The following DYSF variants were observed in gnomAD, a reference collection of about 807,000 sequenced individuals.
The protein encoded by DYSF is dysferlin.
In DYSF, 212 loss-of-function variants were observed where a neutral mutation model predicts 274.9. That is an observed-to-expected ratio of 0.77 (90% CI 0.69 to 0.86). The LOEUF (loss-of-function observed/expected upper bound fraction) is 0.86, where lower values mean the gene tolerates loss of function less well. Ranked by LOEUF, DYSF falls within the 40% of genes least tolerant of loss-of-function variation. The pLI, the probability that DYSF is intolerant of heterozygous loss-of-function variation, is 0.00. For missense variants in DYSF, 2,666 were observed against 2,783.2 expected, an observed-to-expected ratio of 0.96 and a Z score of 0.95; for synonymous variants, 1,091 against 1,078.7, an observed-to-expected ratio of 1.01 and a Z score of -0.22.
chr2:71,529,050 C>G (rs1166962925), intron 14 of DYSF, among the ~76,000 whole-genome samples: 1 of 152,098 alleles, frequency 6.6e-6, no homozygotes, highest in East Asian at 1.9e-4. Context: ...TCCCTTCAAC[C>G]CCAGGCCTCT....
chr2:71,602,664 A>G, intron 35 of DYSF, 112 bp from the exon 36 acceptor site: 3 of 1,156,982 alleles, frequency 2.6e-6, no homozygotes, highest in South Asian at 1.3e-5. Context: ...GGCATCTGGC[A>G]TGCTGACCTC....
At chr2:71,471,639 AT>A (rs779187195) in intron 1 of DYSF, among the ~76,000 whole-genome samples, 9 of 151,142 alleles carry the variant, frequency 6.0e-5, no homozygotes, top group South Asian at 2.1e-4. Flanking sequence ...CCCATCATAG[AT>A]TTTTTTTTTC....
chr2:71,551,281 G>A (rs1260045181), intron 18 of DYSF, 125 bp downstream of exon 18: 7 of 944,284 alleles, frequency 7.4e-6, no homozygotes, highest in Non-Finnish European at 1.0e-5. Context: ...CAACCCCTCA[G>A]GGAGTTCTCC....
In DYSF at chr2:71,658,947, C is replaced by G. The variant is rs2094827861; in HGVS notation, c.4825C>G (p.Leu1609Val). The G allele has an allele frequency of 6.2e-6, 10 of 1,614,100 alleles. No homozygotes were observed. Among genetic ancestry groups the G allele is most frequent in the Non-Finnish European group, 7.6e-6 (9 of 1,180,046 alleles). Residue 1609 changes from leucine to valine, a missense_variant, in exon 44 of 56, where the codon CTG becomes GTG. Leu to Val is a conservative substitution (Grantham distance 32). This residue lies in a region of DYSF where 1,460 missense variants were observed against 1,502.1 expected (regional missense o/e 0.97). Transcript: ENST00000410020. ...CATGCCCCCAAGACAGTTCCACCAGCTGGCCGCCCAGGGACCCCAGGAGTG... is the reference window on the plus strand; with the variant it reads ...CATGCCCCCAAGACAGTTCCACCAGGTGGCCGCCCAGGGACCCCAGGAGTG... ...IPMPPRQFHQLAAQGPQECLV... is the reference protein window; with the variant it reads ...IPMPPRQFHQVAAQGPQECLV...
At chr2:71,606,123 G>A (rs1369617385) in intron 36 of DYSF, among the ~76,000 whole-genome samples, 1 of 152,174 alleles carries the variant, frequency 6.6e-6, no homozygotes, top group Non-Finnish European at 1.5e-5. Flanking sequence ...AGACTGGGCT[G>A]GGGGTGCCCC....
At chr2:71,485,620 C>G (rs2083299378) in intron 3 of DYSF, among the ~76,000 whole-genome samples, 1 of 152,130 alleles carries the variant, frequency 6.6e-6, no homozygotes, top group South Asian at 2.1e-4. Flanking sequence ...AATTCTGTCA[C>G]CCCACCCCAT....
At chr2:71,561,496 C>T (rs1331256945) in intron 22 of DYSF, among the ~76,000 whole-genome samples, 1 of 152,116 alleles carries the variant, frequency 6.6e-6, no homozygotes. Flanking sequence ...TCCAAACTGG[C>T]AGTCCTGGAA....
chr2:71,590,927 C>T (rs1182232564), intron 32 of DYSF, among the ~76,000 whole-genome samples: 3 of 152,288 alleles, frequency 2.0e-5, no homozygotes, highest in African/African-American at 4.8e-5. Flanking sequence ...GTATCTAGGT[C>T]ATTCTGGTTA....
chr2:71,526,473 A>T, intron 13 of DYSF, 127 bp downstream of exon 13: 2 of 1,370,414 alleles, frequency 1.5e-6, no homozygotes, highest in Non-Finnish European at 1.9e-6. Context: ...AAACAATCAG[A>T]ATTTAACGAA....
Position 71,606,529 on chromosome 2 carries a change from C to T in DYSF, c.3957+3724C>T, listed in dbSNP as rs77569278. Among the ~76,000 whole-genome samples the T allele has an allele frequency of 9.8e-3, 1,484 of 152,164 alleles. 21 individuals carry two copies. Among genetic ancestry groups the T allele is most frequent in the African/African-American group, 0.033 (1,371 of 41,486 alleles). ...CAGCACCCTCACTGAGAATTACTGT[C>T]CTGGAGAGGGGGTGCTGTGCCCCTC... On this transcript the variant is annotated intron_variant, in intron 36 of 55. Coordinates refer to ENST00000410020, the MANE Select transcript of DYSF (RefSeq NM_001130987.2).
At chr2:71,659,159 A>C in intron 44 of DYSF, 126 bp downstream of exon 44, 1 of 1,298,770 alleles carries the variant, frequency 7.7e-7, no homozygotes, top group Non-Finnish European at 1.1e-6. Context: ...AAACACACAA[A>C]ACTGAGAGGT....
chr2:71,611,439 C>G (rs1212983389), intron 37 of DYSF, 26 bp from the exon 38 acceptor site: 1 of 1,614,026 alleles, frequency 6.2e-7, no homozygotes, highest in Non-Finnish European at 8.5e-7. Context: ...GCCTTCTGAG[C>G]CACTCTCCTC....
chr2:71,662,529 C>T (rs1021160973), intron 45 of DYSF, among the ~76,000 whole-genome samples: 11 of 147,106 alleles, frequency 7.5e-5, no homozygotes, highest in African/African-American at 1.3e-4. Context: ...TGTCTGTGTT[C>T]GTGTGTCTGT....
intron 17 of DYSF, among the ~76,000 whole-genome samples, chr2:71,545,411 A>G (rs2090386114): frequency 6.6e-6 from 1 of 152,150 alleles, no homozygotes; most frequent in Non-Finnish European, 1.5e-5. Flanking sequence ...TCCTGAAGGC[A>G]CTGCGAACTT....
At chr2:71,668,928 T>C in intron 49 of DYSF, 86 bp downstream of exon 49, 1 of 1,451,090 alleles carries the variant, frequency 6.9e-7, no homozygotes, top group Non-Finnish European at 9.5e-7. Flanking sequence ...CGGTTGCTCT[T>C]TTCTGCCGGG....
chr2:71,652,529 A>G (rs778498190), intron 42 of DYSF, among the ~76,000 whole-genome samples: 1 of 152,232 alleles, frequency 6.6e-6, no homozygotes, highest in Non-Finnish European at 1.5e-5. Flanking sequence ...TAGGCTCTGT[A>G]TGAAGATGCC....
chr2:71,592,167 C>T (rs2093285514), intron 32 of DYSF, among the ~76,000 whole-genome samples: 2 of 152,250 alleles, frequency 1.3e-5, no homozygotes, highest in South Asian at 2.1e-4. Flanking sequence ...CAGGCAGAAG[C>T]CCCCTTGTCC....
intron 41 of DYSF, among the ~76,000 whole-genome samples, chr2:71,641,458 TTATCTATTTTA>T (rs2094485521): frequency 6.6e-6 from 1 of 152,014 alleles, no homozygotes; most frequent in East Asian, 1.9e-4. Flanking sequence ...GGATAAATGT[TTATCTATTTTA>T]ATGGTCTTTT....
Position 71,615,865 on chromosome 2 carries a change from C to T in DYSF, c.4464+2455C>T, listed in dbSNP as rs866689398. Among the ~76,000 whole-genome samples, 66 of 152,326 alleles carry T rather than the reference C, an allele frequency of 4.3e-4. No individual in the cohort carries two copies. The highest frequency in any genetic ancestry group is 8.2e-4 in the African/African-American group (34 of 41,570). On this transcript the variant is annotated intron_variant, in intron 40 of 55. Coordinates refer to ENST00000410020, the MANE Select transcript of DYSF (RefSeq NM_001130987.2). This position sits in a 1 kb window ranked among gnomAD's most constrained non-coding sequence, Gnocchi z 4.9. The stretch of plus-strand genomic sequence containing the variant: ...TTCTGTCTGCCCCACCGGTGTTTCT[C>T]GGCAGCCTGTTCCATCCTCACAGTT...
Sources: allele counts gnomAD v4.1 joint callset (sites outside exome capture counted in the v4.1 genomes callset), GRCh38; gene constraint gnomAD v4.1.1; regional missense constraint gnomAD v4.1.1; non-coding constraint Gnocchi (gnomAD v3.1); transcripts MANE v1.5; gene names NCBI Gene and HGNC (gene_info 2026-07-23, HGNC 2026-07-21).